Variants in SCLT1 observed in about 807,000 individuals in gnomAD.
SCLT1 encodes the protein sodium channel and clathrin linker 1.
In SCLT1, 78 loss-of-function variants were observed where a neutral mutation model predicts 112.8. That is an observed-to-expected ratio of 0.69 (90% CI 0.58 to 0.83). The LOEUF is 0.83. Ranked by LOEUF, SCLT1 falls within the 40% of genes least tolerant of loss-of-function variation. The probability of loss-of-function intolerance (pLI) is 0.00; values close to 1 mark genes in which losing one functional copy is unlikely to be tolerated. For missense variants in SCLT1, 747 were observed against 770.4 expected (o/e 0.97, Z 0.36); for synonymous variants, 257 against 254.7 (o/e 1.01, Z -0.09).
intron 18 of SCLT1, among the ~76,000 whole-genome samples, chr4:128,900,478 A>G (rs556343107): frequency 1.3e-5 from 2 of 152,328 alleles, no homozygotes; most frequent in South Asian, 4.1e-4. Flanking sequence ...AGCCATATGT[A>G]GAAAGCTGAA....
intron 2 of SCLT1, among the ~76,000 whole-genome samples, chr4:129,055,745 G>A (rs1216943995): frequency 6.6e-6 from 1 of 151,910 alleles, no homozygotes; most frequent in Non-Finnish European, 1.5e-5. Flanking sequence ...AGACCACTTG[G>A]CTCTCTGGCT....
intron 6 of SCLT1, among the ~76,000 whole-genome samples, chr4:129,003,461 A>G (rs1743706167): frequency 6.6e-6 from 1 of 151,682 alleles, no homozygotes; most frequent in Non-Finnish European, 1.5e-5. Flanking sequence ...AAAGAAAAAA[A>G]AGAAAGAAAA....
At chr4:129,078,183 A>G (rs1359349609) in intron 2 of SCLT1, among the ~76,000 whole-genome samples, 1 of 152,250 alleles carries the variant, frequency 6.6e-6, no homozygotes, top group Non-Finnish European at 1.5e-5. Context: ...AAAGAGGACA[A>G]TCTTGTAAAG....
intron 18 of SCLT1, among the ~76,000 whole-genome samples, chr4:128,904,415 T>C (rs1560823561): frequency 6.6e-6 from 1 of 152,160 alleles, no homozygotes; most frequent in Admixed American, 6.5e-5. Flanking sequence ...TACTAAGTAA[T>C]TTACATATGA....
At chr4:128,898,504 T>C (rs1355214627) in intron 18 of SCLT1, among the ~76,000 whole-genome samples, 2 of 151,844 alleles carry the variant, frequency 1.3e-5, no homozygotes, top group African/African-American at 2.4e-5. Flanking sequence ...TACCAGAATC[T>C]CTGGGACACA....
chr4:129,000,700 T>C, intron 6 of SCLT1, among the ~76,000 whole-genome samples: 1 of 151,964 alleles, frequency 6.6e-6, no homozygotes, highest in East Asian at 1.9e-4. Context: ...GATAGATATG[T>C]AACCCACAAA....
chr4:129,091,549 C>T (rs1234205171), intron 1 of SCLT1, among the ~76,000 whole-genome samples: 1 of 151,996 alleles, frequency 6.6e-6, no homozygotes, highest in African/African-American at 2.4e-5. Context: ...ATTCCTGTCC[C>T]ACACTACTCT....
chr4:129,008,452 T>C (rs993716613), intron 5 of SCLT1, among the ~76,000 whole-genome samples: 6 of 152,198 alleles, frequency 3.9e-5, no homozygotes, highest in African/African-American at 1.4e-4. Context: ...TTGATTTTGA[T>C]TTTGTAGATG....
intron 2 of SCLT1, among the ~76,000 whole-genome samples, chr4:129,053,584 T>TTTTTTTTTTTTTTTTTTC (rs1749055262): frequency 9.8e-6 from 1 of 101,958 alleles, no homozygotes; most frequent in Non-Finnish European, 2.2e-5. Context: ...TTTTTTTTTT[T>TTTTTTTTTTTTTTTTTTC]TTTTTTGCTT....
chr4:128,898,531 G>C (rs1733981178), intron 18 of SCLT1, among the ~76,000 whole-genome samples: 1 of 152,092 alleles, frequency 6.6e-6, no homozygotes, highest in Non-Finnish European at 1.5e-5. Context: ...GCAGTGTGTA[G>C]AGGGAAATTT....
At position 129,093,135 on chromosome 4, in the gene SCLT1, A is replaced by G. The variant is rs1489278201; in HGVS notation, c.-32T>C. ...ACAATTTTAGTTTAGAGCTTTCACCACCTTTACCTTCCTCTGAAAGACAGA... is the reference window on the plus strand; with the variant it reads ...ACAATTTTAGTTTAGAGCTTTCACCGCCTTTACCTTCCTCTGAAAGACAGA... On this transcript the variant is annotated 5_prime_UTR_variant, in exon 1 of 21. Transcript: ENST00000281142. The G allele has an allele frequency of 6.2e-7, 1 of 1,605,924 alleles. No homozygotes were observed. Among genetic ancestry groups the G allele is most frequent in the Non-Finnish European group, 8.5e-7 (1 of 1,172,596 alleles).
At chr4:128,888,607 A>C (rs576086342) in intron 20 of SCLT1, 72 bp downstream of exon 20, 7 of 785,716 alleles carry the variant, frequency 8.9e-6, no homozygotes, top group African/African-American at 5.3e-5. Context: ...TAAACTATTA[A>C]GTTCCCTGGG....
At chr4:128,921,434 A>C (rs1231662832) in intron 18 of SCLT1, among the ~76,000 whole-genome samples, 1 of 152,202 alleles carries the variant, frequency 6.6e-6, no homozygotes, top group African/African-American at 2.4e-5. Context: ...CCAAAACAGC[A>C]TGGTACTGGT....
intron 5 of SCLT1, among the ~76,000 whole-genome samples, chr4:129,027,567 A>G (rs563960311): frequency 9.9e-5 from 15 of 152,260 alleles, no homozygotes; most frequent in African/African-American, 2.9e-4. Flanking sequence ...CACAGCCAAT[A>G]TCATACTGAA....
intron 18 of SCLT1, among the ~76,000 whole-genome samples, chr4:128,936,334 G>C (rs1009216124): frequency 1.3e-5 from 2 of 151,968 alleles, no homozygotes; most frequent in African/African-American, 4.8e-5. Flanking sequence ...CTGAGGAAGG[G>C]TCAGAGAATT....
intron 8 of SCLT1, chr4:128,997,400 T>C (rs907973941): frequency 6.6e-6 from 1 of 151,852 alleles, no homozygotes; most frequent in African/African-American, 2.4e-5. Context: ...AATAAGAAGG[T>C]AAAGAGCAGA....
chr4:128,979,413 T>G (rs997944845), intron 9 of SCLT1, among the ~76,000 whole-genome samples: 1 of 152,140 alleles, frequency 6.6e-6, no homozygotes, highest in African/African-American at 2.4e-5. Context: ...CAAGGGAGGT[T>G]TGTTTGTCCC....
rs77123065 is a variant in SCLT1 at position 128,948,636 on chromosome 4, T to G, written c.1219-66A>C. On this transcript the variant is annotated intron_variant, in intron 14 of 20. Coordinates refer to ENST00000281142, the MANE Select transcript of SCLT1 (RefSeq NM_144643.4). ...ACATCTTAAGAAAAGTGGGGAAAAATTATAATTTGTTCATAATGGGAATAT... is the reference window on the plus strand; with the variant it reads ...ACATCTTAAGAAAAGTGGGGAAAAAGTATAATTTGTTCATAATGGGAATAT... 4,548 of 1,153,460 alleles carry G rather than the reference T, an allele frequency of 3.9e-3. 151 individuals are homozygous for G. The African/African-American group carries it at 0.064, about 16-fold the overall frequency. 71.5% of individuals were successfully genotyped at this position (1,153,460 alleles called of 1,614,324 possible). A position where few individuals can be genotyped will look rare whatever the true frequency, so the allele number is the denominator to read the frequency against.
At chr4:128,900,981 C>T (rs887548051) in intron 18 of SCLT1, among the ~76,000 whole-genome samples, 5 of 152,034 alleles carry the variant, frequency 3.3e-5, no homozygotes, top group African/African-American at 1.2e-4. Context: ...GAGATACCAT[C>T]TCACACCCGT....
Sources: allele counts gnomAD v4.1 joint callset (sites outside exome capture counted in the v4.1 genomes callset), GRCh38; gene constraint gnomAD v4.1.1; transcripts MANE v1.5; gene names NCBI Gene and HGNC (gene_info 2026-07-23, HGNC 2026-07-21).